AKT3: variants seen among roughly 807,000 people sequenced by gnomAD.
AKT3 encodes RAC-gamma serine/threonine-protein kinase.
A neutral mutation model predicts 65.3 loss-of-function variants in AKT3; 15 were observed. That is an observed-to-expected ratio of 0.23 (90% CI 0.15 to 0.35). The LOEUF (loss-of-function observed/expected upper bound fraction) is 0.35. Ranked by LOEUF, AKT3 falls within the 10% of genes least tolerant of loss-of-function variation. AKT3 has a pLI of 1.00. For missense variants in AKT3, 243 were observed against 576.5 expected, an observed-to-expected ratio of 0.42 and a Z score of 5.92; for synonymous variants, 206 against 183.8, an observed-to-expected ratio of 1.12 and a Z score of -0.98.
At chr1:243,660,265 C>T (rs1327873410) in intron 4 of AKT3, among the ~76,000 whole-genome samples, 3 of 152,060 alleles carry the variant, frequency 2.0e-5, no homozygotes, top group East Asian at 1.9e-4. Context: ...AGTTTATTTG[C>T]GTAGAGGTGT....
intron 13 of AKT3, among the ~76,000 whole-genome samples, chr1:243,509,381 G>C (rs1669879594): frequency 6.6e-6 from 1 of 152,198 alleles, no homozygotes; most frequent in Admixed American, 6.5e-5. Flanking sequence ...ATCAGGACAA[G>C]TGCCCCGCGG....
chr1:243,594,383 T>C (rs1676454025), intron 8 of AKT3, among the ~76,000 whole-genome samples: 1 of 152,174 alleles, frequency 6.6e-6, no homozygotes, highest in Admixed American at 6.5e-5. Context: ...ATTGACATGA[T>C]AATAAATTTA....
chr1:243,497,751 A>T (rs372968026), downstream of AKT3, among the ~76,000 whole-genome samples: 10 of 152,150 alleles, frequency 6.6e-5, no homozygotes, highest in Non-Finnish European at 1.3e-4. Context: ...CCCAAAATTC[A>T]TCACTGCAGC....
chr1:243,764,342 T>C (rs1689680676), intron 2 of AKT3, among the ~76,000 whole-genome samples: 1 of 152,052 alleles, frequency 6.6e-6, no homozygotes, highest in African/African-American at 2.4e-5. Flanking sequence ...ATGCAAATAA[T>C]GAATCCTTAT....
intron 2 of AKT3, among the ~76,000 whole-genome samples, chr1:243,709,462 T>C (rs1686012177): frequency 6.6e-6 from 1 of 151,916 alleles, no homozygotes; most frequent in Non-Finnish European, 1.5e-5. Context: ...CTTGCTTCTA[T>C]AATTCAAAGT....
At chr1:243,510,460 G>A (rs1447248566) in intron 13 of AKT3, among the ~76,000 whole-genome samples, 1 of 152,226 alleles carries the variant, frequency 6.6e-6, no homozygotes, top group Non-Finnish European at 1.5e-5. Flanking sequence ...TGAAGAGAGA[G>A]AGGGAATGTT....
chr1:243,536,932 G>A (rs1357222378), intron 12 of AKT3, among the ~76,000 whole-genome samples: 4 of 152,044 alleles, frequency 2.6e-5, no homozygotes, highest in Admixed American at 1.3e-4. Flanking sequence ...TCTCTCTTCC[G>A]CTGGTGCATC....
At chr1:243,813,327 A>G (rs1489067466) in intron 2 of AKT3, among the ~76,000 whole-genome samples, 2 of 152,188 alleles carry the variant, frequency 1.3e-5, no homozygotes, top group Admixed American at 1.3e-4. Context: ...AATGTGGGAT[A>G]TTCACAAAAC....
chr1:243,702,109 C>CAA (rs148524776), intron 2 of AKT3, among the ~76,000 whole-genome samples: 4 of 124,580 alleles, frequency 3.2e-5, no homozygotes, highest in East Asian at 2.3e-4. Flanking sequence ...AGAATTTATG[C>CAA]AAAAAAAAAA....
intron 12 of AKT3, among the ~76,000 whole-genome samples, chr1:243,523,632 G>T (rs1208427156): frequency 1.3e-5 from 2 of 152,020 alleles, no homozygotes; most frequent in Non-Finnish European, 2.9e-5. Context: ...TCATACTAAA[G>T]CATCACAATA....
At chr1:243,560,571 T>C (rs1008317377) in intron 10 of AKT3, among the ~76,000 whole-genome samples, 1 of 152,124 alleles carries the variant, frequency 6.6e-6, no homozygotes, top group African/African-American at 2.4e-5. Context: ...GTGTCCAGAT[T>C]TGAATTATGA....
chr1:243,695,756 G>T, intron 2 of AKT3, 40 bp from the exon 3 acceptor site: 2 of 1,532,578 alleles, frequency 1.3e-6, no homozygotes, highest in Non-Finnish European at 1.7e-6. Flanking sequence ...TGAAAAAAAT[G>T]AACAGCAGCT....
intron 2 of AKT3, among the ~76,000 whole-genome samples, chr1:243,700,768 G>C (rs1344752270): frequency 2.0e-5 from 3 of 152,058 alleles, no homozygotes; most frequent in African/African-American, 7.2e-5. Context: ...TCCCAAAGTG[G>C]TGGGATTACA....
At chr1:243,678,314 CAACAACAAA>C (rs1431855608) in intron 3 of AKT3, among the ~76,000 whole-genome samples, 3 of 152,028 alleles carry the variant, frequency 2.0e-5, no homozygotes, top group East Asian at 3.9e-4. Context: ...GCAACAACAA[CAACAACAAA>C]AACAATAAAA....
chr1:243,613,818 A>G, intron 7 of AKT3, 79 bp from the exon 8 acceptor site: 2 of 818,784 alleles, frequency 2.4e-6, no homozygotes, highest in South Asian at 5.3e-5. Context: ...AATAGAACAC[A>G]TAGAAATAGT....
intron 2 of AKT3, among the ~76,000 whole-genome samples, chr1:243,809,152 T>C (rs966077501): frequency 1.1e-4 from 17 of 152,128 alleles, no homozygotes; most frequent in African/African-American, 4.1e-4. Flanking sequence ...GCTAACATCA[T>C]AATGACAGGA....
intron 2 of AKT3, among the ~76,000 whole-genome samples, chr1:243,823,858 A>G (rs1490092820): frequency 6.6e-6 from 1 of 152,218 alleles, no homozygotes; most frequent in Admixed American, 6.5e-5. Context: ...ATTCAATACT[A>G]TTCCCATTGA....
chr1:243,738,308 G>A (rs1461717687), intron 2 of AKT3, among the ~76,000 whole-genome samples: 1 of 152,152 alleles, frequency 6.6e-6, no homozygotes, highest in Non-Finnish European at 1.5e-5. Context: ...TGTCTAACAA[G>A]CCAGAGACTA....
At chr1:243,732,205 G>A (rs1271487735) in intron 2 of AKT3, among the ~76,000 whole-genome samples, 2 of 152,120 alleles carry the variant, frequency 1.3e-5, no homozygotes, top group African/African-American at 2.4e-5. Flanking sequence ...GAACGGTCAG[G>A]ACTTGGGCAA....
Sources: allele counts gnomAD v4.1 joint callset (sites outside exome capture counted in the v4.1 genomes callset), GRCh38; gene constraint gnomAD v4.1.1; transcripts MANE v1.5; gene names NCBI Gene and HGNC (gene_info 2026-07-23, HGNC 2026-07-21).